The following SEC63 variants were observed in gnomAD, a reference collection of about 807,000 sequenced individuals.
SEC63 encodes the protein translocation protein SEC63 homolog.
In SEC63, 56 loss-of-function variants were observed where a neutral mutation model predicts 116.2. That is an observed-to-expected ratio of 0.48 (90% confidence interval 0.39 to 0.60). The LOEUF (loss-of-function observed/expected upper bound fraction) is 0.60. Among genes scored for constraint, SEC63 ranks in the 20% least tolerant of loss-of-function variants. SEC63 has a pLI of 0.00. For synonymous variants in SEC63, 273 were observed against 294.6 expected, an observed-to-expected ratio of 0.93 and a Z score of 0.75; for missense variants, 668 against 900.0, an observed-to-expected ratio of 0.74 and a Z score of 3.30.
intron 1 of SEC63, among the ~76,000 whole-genome samples, chr6:107,952,410 T>C (rs534819824): frequency 1.2e-4 from 18 of 152,156 alleles, no homozygotes; most frequent in Middle Eastern, 3.4e-3. Flanking sequence ...ACCTTAAAAA[T>C]TGAAAGTCCC....
intron 19 of SEC63, 34 bp downstream of exon 19, chr6:107,876,530 G>A (rs972310867): frequency 7.8e-7 from 1 of 1,276,254 alleles, no homozygotes; most frequent in African/African-American, 1.5e-5. Flanking sequence ...GCTGTGCCTT[G>A]TTAAACACTG....
At chr6:107,953,969 C>T (rs994491002) in intron 1 of SEC63, among the ~76,000 whole-genome samples, 7 of 152,258 alleles carry the variant, frequency 4.6e-5, no homozygotes, top group South Asian at 4.1e-4. Flanking sequence ...GGAGGTGTAC[C>T]CAACAGCTCA....
intron 1 of SEC63, among the ~76,000 whole-genome samples, chr6:107,948,113 T>C (rs955675281): frequency 6.6e-6 from 1 of 152,174 alleles, no homozygotes; most frequent in East Asian, 1.9e-4. Flanking sequence ...TTAAGACCTA[T>C]CTCGTGTCAC....
chr6:107,929,724 A>G (rs1583764226), intron 1 of SEC63, among the ~76,000 whole-genome samples: 1 of 152,350 alleles, frequency 6.6e-6, no homozygotes, highest in Non-Finnish European at 1.5e-5. Context: ...AATTTCATTC[A>G]ACTACCAAGT....
chr6:107,871,938 C>CA, intron 20 of SEC63, 91 bp from the exon 21 acceptor site: 1 of 1,337,938 alleles, frequency 7.5e-7, no homozygotes, highest in Middle Eastern at 1.8e-4. Flanking sequence ...TTGACCACAG[C>CA]AATTACAAAG....
chr6:107,920,430 A>AAG (rs1250901783), intron 4 of SEC63, among the ~76,000 whole-genome samples: 1 of 150,388 alleles, frequency 6.6e-6, no homozygotes, highest in Non-Finnish European at 1.5e-5. Flanking sequence ...CGTCTCAAAA[A>AAG]AAAAAAAAAA....
At chr6:107,911,317 A>C (rs1343334313) in intron 7 of SEC63, 29 bp downstream of exon 7, 4 of 1,514,712 alleles carry the variant, frequency 2.6e-6, no homozygotes. Flanking sequence ...TTTCCAAAAA[A>C]AACATTAACT....
intron 3 of SEC63, among the ~76,000 whole-genome samples, chr6:107,922,322 A>T (rs1787577313): frequency 6.6e-6 from 1 of 152,198 alleles, no homozygotes. Context: ...TGGCCAACAT[A>T]TAGTGAAACC....
At chr6:107,944,744 A>G (rs1423592212) in intron 1 of SEC63, among the ~76,000 whole-genome samples, 1 of 152,100 alleles carries the variant, frequency 6.6e-6, no homozygotes, top group Non-Finnish European at 1.5e-5. Context: ...TGGAAATAGA[A>G]ATTTTGGAGT....
chr6:107,942,861 CTTAAGT>C lies in SEC63; in HGVS notation c.125-13353_125-13348del, dbSNP rs374236097. Among the ~76,000 whole-genome samples the C allele has an allele frequency of 1.6e-4, 25 of 152,232 alleles. No individual in the cohort carries two copies. In the East Asian group the frequency reaches 3.9e-3, roughly 23 times the overall value. On this transcript the variant is annotated intron_variant, in intron 1 of 20. Coordinates refer to ENST00000369002, the MANE Select transcript of SEC63 (RefSeq NM_007214.5). ...ATATTTACAGTACTGTTATTAATAC[CTTAAGT>C]TTATGTCACCTGTTTACAAGTTGCA...
intron 18 of SEC63, among the ~76,000 whole-genome samples, chr6:107,878,752 G>A (rs994289946): frequency 2.0e-5 from 3 of 152,136 alleles, no homozygotes; most frequent in Non-Finnish European, 4.4e-5. Context: ...CTACTCGAGA[G>A]GCTGAGGTGG....
chr6:107,937,457 T>TA (rs1770281543), intron 1 of SEC63, among the ~76,000 whole-genome samples: 2 of 152,240 alleles, frequency 1.3e-5, no homozygotes, highest in East Asian at 1.9e-4. Flanking sequence ...CCGCTATTGA[T>TA]AGACACCTGG....
intron 4 of SEC63, among the ~76,000 whole-genome samples, chr6:107,918,595 GGAA>G (rs1162335664): frequency 1.3e-5 from 2 of 151,536 alleles, no homozygotes; most frequent in Non-Finnish European, 1.5e-5. Flanking sequence ...GGGAGGCTGA[GGAA>G]GAAGAATTGC....
chr6:107,953,650 G>A (rs1770629565), intron 1 of SEC63, among the ~76,000 whole-genome samples: 1 of 144,824 alleles, frequency 6.9e-6, no homozygotes, highest in Non-Finnish European at 1.5e-5. Flanking sequence ...CTACTGGCAA[G>A]TGAGGAGCCC....
chr6:107,902,954 T>C lies in SEC63; in HGVS notation c.1099A>G (p.Met367Val), dbSNP rs1787042157. The part of the protein sequence containing the change: ...APTLASLENC[M>V]KLSQMAVQGL... Reference sequence around the variant, plus strand: ...TGAACGGCCATCTGAGAAAGCTTCATGCAGTTTTCTAGGGATGCCAAAGTT... The same window carrying C: ...TGAACGGCCATCTGAGAAAGCTTCACGCAGTTTTCTAGGGATGCCAAAGTT... Residue 367 changes from methionine (M) to valine (V), a missense_variant, in exon 12 of 21, where the codon ATG (methionine) becomes GTG (valine). Around this residue, in one of 5 missense-constraint regions of SEC63, gnomAD observed 430 missense variants for 557.5 expected, o/e 0.77. Coordinates refer to ENST00000369002, the MANE Select transcript of SEC63 (RefSeq NM_007214.5). 6.2e-7 allele frequency: 1 copy of C among 1,614,102 alleles called. No individual in the cohort carries two copies. The highest frequency in any genetic ancestry group is 1.3e-5 in the African/African-American group (1 of 75,032).
intron 3 of SEC63, among the ~76,000 whole-genome samples, chr6:107,924,427 A>T (rs904280503): frequency 1.3e-5 from 2 of 150,416 alleles, no homozygotes; most frequent in Non-Finnish European, 3.0e-5. Context: ...AAATACAAAA[A>T]ATTAGACAGG....
In SEC63 at chr6:107,906,666, T is replaced by G. The variant is rs762784301; in HGVS notation, c.828+17A>C. The G allele has an allele frequency of 1.9e-6, 3 of 1,610,638 alleles. No individual in the cohort carries two copies. The highest frequency in any genetic ancestry group is 2.5e-6 in the Non-Finnish European group (3 of 1,176,822). On this transcript the variant is annotated intron_variant, in intron 9 of 20. Transcript: ENST00000369002. ...ATACTTAACTGCTCATCGGGGGATT[T>G]GGGAAATTAGCCTAACCTGTGGTAT...
At chr6:107,952,058 G>A (rs1426319840) in intron 1 of SEC63, among the ~76,000 whole-genome samples, 4 of 151,540 alleles carry the variant, frequency 2.6e-5, no homozygotes, top group Non-Finnish European at 5.9e-5. Flanking sequence ...TAAGCCCTCC[G>A]TGTTATCATT....
At chr6:107,898,139 C>G (rs1302366121) in intron 13 of SEC63, among the ~76,000 whole-genome samples, 1 of 151,924 alleles carries the variant, frequency 6.6e-6, no homozygotes, top group Non-Finnish European at 1.5e-5. Context: ...TGGTGCCCGC[C>G]TGTAGTCTCA....
Sources: allele counts gnomAD v4.1 joint callset (sites outside exome capture counted in the v4.1 genomes callset), GRCh38; gene constraint gnomAD v4.1.1; regional missense constraint gnomAD v4.1.1; transcripts MANE v1.5; gene names NCBI Gene and HGNC (gene_info 2026-07-23, HGNC 2026-07-21).